The following RRAGC variants were observed in gnomAD, a reference collection of about 807,000 sequenced individuals.
RRAGC encodes Ras related GTP binding C, also known as ras-related GTP-binding protein C.
RRAGC carries 8 observed loss-of-function variants against 37.1 expected under a neutral mutation model. The observed-to-expected ratio is 0.22, with a 90% CI of 0.13 to 0.39. The LOEUF is 0.39. Among genes scored for constraint, RRAGC ranks in the 10% least tolerant of loss-of-function variants. The pLI is 1.00. For synonymous variants in RRAGC, 190 were observed against 181.1 expected (o/e 1.05, Z -0.39); for missense variants, 342 against 497.6 (o/e 0.69, Z 2.98).
intron 3 of RRAGC, among the ~76,000 whole-genome samples, chr1:38,853,740 T>TC (rs1294147712): frequency 7.6e-6 from 1 of 130,812 alleles, no homozygotes; most frequent in Non-Finnish European, 1.6e-5. Context: ...AGAGTGAAAC[T>TC]CCATCTCAAA....
chr1:38,839,717 A>G lies in RRAGC; in HGVS notation c.1049-13T>C. 2 of 1,612,446 alleles carry G rather than the reference A, an allele frequency of 1.2e-6. No individual in the cohort carries two copies. The highest frequency in any genetic ancestry group is 3.3e-4 in the Middle Eastern group (2 of 6,046). On this transcript the variant is annotated splice_polypyrimidine_tract_variant and intron_variant, in intron 6 of 6. Coordinates refer to ENST00000373001, the MANE Select transcript of RRAGC (RefSeq NM_022157.4). Reference sequence around the variant, plus strand: ...TAGTCTATTAAACCTGCAGGAAGGAAAAAGAAAAGAATGCCTCCTGAATTG... The same window carrying G: ...TAGTCTATTAAACCTGCAGGAAGGAGAAAGAAAAGAATGCCTCCTGAATTG...
chr1:38,844,697 C>A (rs1642007809), intron 6 of RRAGC, among the ~76,000 whole-genome samples: 1 of 152,146 alleles, frequency 6.6e-6, no homozygotes, highest in African/African-American at 2.4e-5. Flanking sequence ...AGGCAACCTA[C>A]AGAATGGGAG....
chr1:38,845,995 A>G lies in RRAGC; in HGVS notation c.992T>C (p.Val331Ala), dbSNP rs1327011466. Residue 331 changes from valine to alanine, a missense_variant, in exon 6 of 7, where the codon GTG becomes GCG. Val to Ala is a moderately conservative substitution (Grantham distance 64, BLOSUM62 0). Transcript: ENST00000373001. ...GCAGACCAGTGCCAAAAATTTAGTC[A>G]CCTCCTTTAAATAAAGGACAGTTGT... ...NNTTVLYLKE[V>A]TKFLALVCIL... 6.2e-7 allele frequency: 1 copy of G among 1,612,456 alleles called. No homozygotes were observed. Among genetic ancestry groups the G allele is most frequent in the Admixed American group, 1.7e-5 (1 of 59,914 alleles).
chr1:38,851,551 G>A (rs1459127664), intron 5 of RRAGC, 64 bp downstream of exon 5: 3 of 1,418,196 alleles, frequency 2.1e-6, no homozygotes, highest in Admixed American at 5.4e-5. Flanking sequence ...TTAGTCTTCT[G>A]AACAAATCAA....
intron 5 of RRAGC, 132 bp from the exon 6 acceptor site, chr1:38,846,219 G>A: frequency 1.4e-6 from 1 of 725,042 alleles, no homozygotes; most frequent in Non-Finnish European, 2.3e-6. Flanking sequence ...CATATTGGGA[G>A]AGAGTGTTGT....
In RRAGC at chr1:38,859,513, C is replaced by A. The variant is rs1208986793; in HGVS notation, c.134G>T (p.Gly45Val). 6.5e-7 allele frequency: 1 copy of A among 1,547,616 alleles called. No individual in the cohort carries two copies. The highest frequency in any genetic ancestry group is 8.7e-7 in the Non-Finnish European group (1 of 1,146,622). ...EEAAAAGGGV[G>V]AGAGGGCGPG... ...ACCACAGCCACCGCCTGCCCCTGCC[C>A]CAACCCCTCCGCCCGCCGCCGCCGC... is the stretch of plus-strand genomic sequence containing the variant. The change falls in exon 1 of 7, where the codon GGG (glycine) becomes GTG (valine). Residue 45 changes from glycine (G) to valine (V), a missense_variant. Around this residue, in one of 3 missense-constraint regions of RRAGC, gnomAD observed 104 missense variants for 93.4 expected, o/e 1.11. Transcript: ENST00000373001.
chr1:38,839,582 G>T lies in RRAGC; in HGVS notation c.1171C>A (p.His391Asn). The T allele has an allele frequency of 6.2e-7, 1 of 1,614,134 alleles. No homozygotes were observed. The highest frequency in any genetic ancestry group is 8.5e-7 in the Non-Finnish European group (1 of 1,180,034). ...TSASSLKALT[H>N]NGTPRNAI is the part of the protein sequence containing the mutation. ...ATGGCGTTTCGTGGCGTGCCATTGT[G>T]TGTCAGCGCTTTCAGACTGGAGGCA... Residue 391 changes from histidine to asparagine, a missense_variant, in exon 7 of 7, where the codon CAC becomes AAC. His to Asn is a moderately conservative substitution (Grantham distance 68, BLOSUM62 1). Transcript: ENST00000373001.
intron 1 of RRAGC, 135 bp downstream of exon 1, chr1:38,859,275 G>T: frequency 1.2e-6 from 1 of 858,882 alleles, no homozygotes; most frequent in Non-Finnish European, 1.8e-6. Context: ...GCGCCTGTGC[G>T]CTCGCAAGAG....
At chr1:38,857,256 G>C (rs1171039473) in intron 1 of RRAGC, among the ~76,000 whole-genome samples, 174 bp from the exon 2 acceptor site, 1 of 152,078 alleles carries the variant, frequency 6.6e-6, no homozygotes, top group Non-Finnish European at 1.5e-5. Flanking sequence ...TTTGACAAAA[G>C]AAGACACCAA....
At chr1:38,841,816 C>A in intron 6 of RRAGC, among the ~76,000 whole-genome samples, 1 of 152,018 alleles carries the variant, frequency 6.6e-6, no homozygotes, top group Non-Finnish European at 1.5e-5. Flanking sequence ...AGATTCCCAT[C>A]TCAAAATAAA....
chr1:38,853,747 CAAAAAAAAA>C (rs568264211), intron 3 of RRAGC, among the ~76,000 whole-genome samples: 2 of 97,154 alleles, frequency 2.1e-5, no homozygotes, highest in Admixed American at 1.1e-4. Flanking sequence ...AACTCCATCT[CAAAAAAAAA>C]AAAAAAAATA....
rs771733569 is a variant in RRAGC, at chr1:38,855,732, G to C, written c.617C>G (p.Ala206Gly). ...HQRANDDLAD[A>G]GLEKLHLSFY... ...CCTAAGATGGAGTTTTTCTAGCCCA[G>C]CATCTGCAAGGTCATCATTGGCCCT... The change falls in exon 3 of 7, where the codon GCT becomes GGT. Residue 206 changes from alanine (A) to glycine (G), a missense_variant. By Grantham distance (60) the Ala-to-Gly change is moderately conservative (BLOSUM62 0). This residue lies in a region of RRAGC where 134 missense variants were observed against 277.2 expected (regional missense o/e 0.48). Coordinates refer to ENST00000373001, the MANE Select transcript of RRAGC (RefSeq NM_022157.4). The C allele has an allele frequency of 1.9e-6, 3 of 1,614,052 alleles. No individual in the cohort carries two copies. The highest frequency in any genetic ancestry group is 2.5e-6 in the Non-Finnish European group (3 of 1,179,940).
chr1:38,855,961 T>C, intron 2 of RRAGC, 54 bp from the exon 3 acceptor site: 3 of 1,342,558 alleles, frequency 2.2e-6, no homozygotes, highest in East Asian at 2.4e-5. Flanking sequence ...AGCCAAGTAA[T>C]GAGTTAAAGC....
intron 5 of RRAGC, among the ~76,000 whole-genome samples, chr1:38,848,549 T>C (rs868190943): frequency 1.4e-4 from 21 of 152,082 alleles, no homozygotes; most frequent in African/African-American, 4.8e-4. Context: ...TTGGCTGTGA[T>C]TAATAAAATT....
intron 2 of RRAGC, 142 bp from the exon 3 acceptor site, chr1:38,856,049 T>C (rs932511394): frequency 1.9e-6 from 1 of 520,034 alleles, no homozygotes; most frequent in African/African-American, 1.9e-5. Context: ...AAATATACTA[T>C]ACTACTAAAT....
chr1:38,857,058 T>G lies in RRAGC; in HGVS notation c.262A>C (p.Asn88His). Residue 88 changes from asparagine to histidine, a missense_variant, in exon 2 of 7, where the codon AAC becomes CAC. Around this residue, in one of 3 missense-constraint regions of RRAGC, gnomAD observed 134 missense variants for 277.2 expected, o/e 0.48. Transcript: ENST00000373001. ...GTACTTTCCAAAAAGAGGGTCTCGT[T>G]GGGTGACATCTTATGAAACACCACC... ...QKVVFHKMSP[N>H]ETLFLESTNK... The G allele has an allele frequency of 6.2e-7, 1 of 1,613,624 alleles. No homozygotes were observed. Among genetic ancestry groups the G allele is most frequent in the Non-Finnish European group, 8.5e-7 (1 of 1,179,546 alleles).
rs1254431066 is a variant in RRAGC, at chr1:38,852,363, T to A, written c.756+11A>T. The A allele has an allele frequency of 7.7e-7, 1 of 1,294,146 alleles. No individual in the cohort carries two copies. Among genetic ancestry groups the A allele is most frequent in the Non-Finnish European group, 1.1e-6 (1 of 892,744 alleles). The allele number at this position is 1,294,146 out of a possible 1,614,324, so 80.2% of individuals were successfully genotyped here. ...AAGCTGCAGTGAATTAAATATAAAT[T>A]GCTCACTTACTGATATAAAGATATT... is the stretch of plus-strand genomic sequence containing the variant. On this transcript the variant is annotated intron_variant, in intron 4 of 6. Transcript: ENST00000373001.
chr1:38,853,432 C>T (rs1305487714), intron 3 of RRAGC, among the ~76,000 whole-genome samples: 2 of 152,140 alleles, frequency 1.3e-5, no homozygotes, highest in Non-Finnish European at 2.9e-5. Flanking sequence ...ATCAGAGACA[C>T]AGAACTTTAT....
chr1:38,850,372 G>C (rs1054644715), intron 5 of RRAGC, among the ~76,000 whole-genome samples: 4 of 152,004 alleles, frequency 2.6e-5, no homozygotes, highest in Admixed American at 2.6e-4. Flanking sequence ...AAATTAGCCA[G>C]GCGTTGTGGC....
Sources: gnomAD v4.1 joint callset for allele counts (sites outside exome capture counted in the v4.1 genomes callset) on GRCh38, gnomAD v4.1.1 for gene constraint, gnomAD v4.1.1 regional missense constraint, MANE v1.5 for transcripts, NCBI Gene and HGNC (gene_info 2026-07-23, HGNC 2026-07-21) for gene names.